Variants in RPS6KA2 observed in about 807,000 individuals in gnomAD.
RPS6KA2 encodes the protein ribosomal protein S6 kinase alpha-2.
A neutral mutation model predicts 91.8 loss-of-function variants in RPS6KA2; 42 were observed. The ratio of observed to expected loss-of-function variants is 0.46; its 90% CI spans 0.36 to 0.59. The LOEUF is 0.59. RPS6KA2 is among the 20% of genes least tolerant of loss of function. The probability of loss-of-function intolerance (pLI) is 0.00; values close to 1 mark genes in which losing one functional copy is unlikely to be tolerated. For synonymous variants in RPS6KA2, 414 were observed against 393.6 expected (o/e 1.05, Z -0.61); for missense variants, 798 against 978.5 (o/e 0.82, Z 2.46).
chr6:166,743,320 T>C (rs147667242), intron 2 of RPS6KA2, among the ~76,000 whole-genome samples: 1 of 152,216 alleles, frequency 6.6e-6, no homozygotes, highest in Non-Finnish European at 1.5e-5. Flanking sequence ...CCTGGTGCCA[T>C]TCCCCCAGGA....
At chr6:166,685,104 G>A (rs563990865) in intron 2 of RPS6KA2, among the ~76,000 whole-genome samples, 1 of 152,368 alleles carries the variant, frequency 6.6e-6, no homozygotes, top group Non-Finnish European at 1.5e-5. Flanking sequence ...CCATCCAGTG[G>A]GCGGAGCTCA....
chr6:166,469,856 C>T lies in RPS6KA2; in HGVS notation c.957G>A (p.Val319=), dbSNP rs1459895191. 1.9e-6 allele frequency: 3 copies of T among 1,614,024 alleles called. No individual in the cohort carries two copies. Among genetic ancestry groups the T allele is most frequent in the African/African-American group, 1.3e-5 (1 of 74,934 alleles). The part of the protein sequence containing the change: ...VEEIKRHPFF[V]TIDWNTLYRK... ...TGCAACTTACGTTCCAGTCTATGGT[C>T]ACAAAGAAGGGATGGCGCTTAATTT... The change falls in exon 11 of 21, where the codon GTG becomes GTA. Residue 319 remains valine (V), a synonymous_variant. Coordinates refer to ENST00000265678, the MANE Select transcript of RPS6KA2 (RefSeq NM_021135.6).
At chr6:166,715,960 C>T (rs1306675800) in intron 2 of RPS6KA2, among the ~76,000 whole-genome samples, 5 of 145,030 alleles carry the variant, frequency 3.4e-5, no homozygotes, top group Non-Finnish European at 6.0e-5. Context: ...ATCGCTTGAG[C>T]CCTGGAGGTG....
intron 7 of RPS6KA2, among the ~76,000 whole-genome samples, chr6:166,499,483 A>G (rs1420287537): frequency 1.3e-5 from 2 of 152,210 alleles, no homozygotes; most frequent in African/African-American, 2.4e-5. Flanking sequence ...CGTGGGAGGG[A>G]CAGAGTGGGA....
chr6:166,842,767 T>C (rs1258640588), intron 2 of RPS6KA2, among the ~76,000 whole-genome samples: 1 of 152,214 alleles, frequency 6.6e-6, no homozygotes, highest in Non-Finnish European at 1.5e-5. Flanking sequence ...GAGATTAAGA[T>C]GGTGGATAGG....
intron 2 of RPS6KA2, among the ~76,000 whole-genome samples, chr6:166,673,792 C>T (rs963742223): frequency 6.6e-6 from 1 of 152,184 alleles, no homozygotes; most frequent in African/African-American, 2.4e-5. Context: ...CCCAGAGAAC[C>T]CAAAGATTGG....
At chr6:166,567,324 C>T (rs1256847956) in intron 1 of RPS6KA2, among the ~76,000 whole-genome samples, 1 of 152,126 alleles carries the variant, frequency 6.6e-6, no homozygotes, top group Non-Finnish European at 1.5e-5. Flanking sequence ...TTCGACTCAA[C>T]CTTGTGATTC....
chr6:166,794,158 GA>G (rs1332381394), intron 2 of RPS6KA2, among the ~76,000 whole-genome samples: 1 of 137,544 alleles, frequency 7.3e-6, no homozygotes, highest in African/African-American at 2.6e-5. Flanking sequence ...AAATTTACAA[GA>G]AAAAAACAAA....
chr6:166,473,940 GTT>G (rs5881697), intron 10 of RPS6KA2, among the ~76,000 whole-genome samples: 3,565 of 112,094 alleles, frequency 0.032, 89 homozygotes, highest in African/African-American at 0.11. Flanking sequence ...TTGTTTAAAG[GTT>G]TTTTTTTTTT....
intron 2 of RPS6KA2, among the ~76,000 whole-genome samples, chr6:166,774,785 G>A (rs939903237): frequency 2.0e-5 from 3 of 152,070 alleles, no homozygotes; most frequent in African/African-American, 7.3e-5. Context: ...AAATTAAGGC[G>A]TTCCCAGATT....
chr6:166,750,275 G>A (rs535457904), intron 2 of RPS6KA2, among the ~76,000 whole-genome samples: 5 of 147,890 alleles, frequency 3.4e-5, no homozygotes, highest in South Asian at 4.1e-4. Flanking sequence ...TTCTCCCCTG[G>A]GGGGGTGCTC....
Position 166,603,819 on chromosome 6 carries a change from C to G in RPS6KA2, c.99+23102G>C, listed in dbSNP as rs1410920119. On this transcript the variant is annotated intron_variant, in intron 1 of 20. Transcript: ENST00000265678. The surrounding 1 kb of genome is among the most constrained non-coding windows in gnomAD (Gnocchi z 4.3). ...GCCCCCGTACTGTTGTTTGCGATAA[C>G]AAGTCAGGGGTGTTAGAGGAGCCAA... is the stretch of plus-strand genomic sequence containing the variant. Among the ~76,000 whole-genome samples the G allele has an allele frequency of 6.6e-6, 1 of 152,154 alleles. No homozygotes were observed. The highest frequency in any genetic ancestry group is 2.4e-5 in the African/African-American group (1 of 41,422).
chr6:166,546,488 T>G (rs1194119535), intron 1 of RPS6KA2, among the ~76,000 whole-genome samples: 3 of 152,060 alleles, frequency 2.0e-5, no homozygotes, highest in Admixed American at 2.0e-4. Context: ...AAAACTTTTT[T>G]TTTTTTTTTG....
chr6:166,607,140 C>A (rs1391910955), intron 1 of RPS6KA2, among the ~76,000 whole-genome samples: 585 of 97,376 alleles, frequency 6.0e-3, no homozygotes, highest in Admixed American at 6.6e-3. Context: ...AAAACTCCGT[C>A]AAAAAAAAAA....
At chr6:166,645,382 A>G (rs767181549) in intron 2 of RPS6KA2, among the ~76,000 whole-genome samples, 1 of 151,916 alleles carries the variant, frequency 6.6e-6, no homozygotes, top group Non-Finnish European at 1.5e-5. Context: ...AACACTGAGA[A>G]TGGGATCAGA....
At chr6:166,602,188 C>T (rs1329785304) in intron 1 of RPS6KA2, among the ~76,000 whole-genome samples, 1 of 152,216 alleles carries the variant, frequency 6.6e-6, no homozygotes, top group African/African-American at 2.4e-5. Context: ...CGATGGGCTG[C>T]GACTCAGTGC....
At chr6:166,693,318 A>T (rs973495939) in intron 2 of RPS6KA2, among the ~76,000 whole-genome samples, 23 of 152,188 alleles carry the variant, frequency 1.5e-4, no homozygotes, top group Admixed American at 9.2e-4. Flanking sequence ...GCTGCTAAAC[A>T]CGCGGAAGTG....
intron 2 of RPS6KA2, among the ~76,000 whole-genome samples, chr6:166,725,193 TA>T (rs1280948260): frequency 2.6e-5 from 4 of 152,330 alleles, no homozygotes; most frequent in South Asian, 2.1e-4. Flanking sequence ...AAAAGTCTTT[TA>T]TTTTTTTTAA....
chr6:166,425,780 A>G (rs1296800331), intron 16 of RPS6KA2, among the ~76,000 whole-genome samples: 2 of 152,202 alleles, frequency 1.3e-5, no homozygotes, highest in Admixed American at 6.5e-5. Context: ...CACCCAATAC[A>G]GGAGCACCCA....
Sources: allele counts gnomAD v4.1 joint callset (sites outside exome capture counted in the v4.1 genomes callset), GRCh38; gene constraint gnomAD v4.1.1; non-coding constraint Gnocchi (gnomAD v3.1); transcripts MANE v1.5; gene names NCBI Gene and HGNC (gene_info 2026-07-23, HGNC 2026-07-21).